The following ATP9B variants were observed in gnomAD, a reference collection of about 807,000 sequenced individuals.
The protein encoded by ATP9B is ATPase phospholipid transporting 9B.
A neutral mutation model predicts 146.1 loss-of-function variants in ATP9B; 110 were observed. That is an observed-to-expected ratio of 0.75 (90% CI 0.65 to 0.88). ATP9B has a LOEUF of 0.88. ATP9B is among the 40% of genes least tolerant of loss of function. The probability of loss-of-function intolerance (pLI) is 0.00; values close to 1 mark genes in which losing one functional copy is unlikely to be tolerated. For synonymous variants in ATP9B, 604 were observed against 569.7 expected (o/e 1.06, Z -0.86); for missense variants, 1,499 against 1,496.4 (o/e 1.00, Z -0.03).
chr18:79,310,295 G>A lies in ATP9B; in HGVS notation c.1773+3061G>A, dbSNP rs576715844. ...TTGCAGCACTGGGAAGGGCATCACCGTTTTGCTGATTAAAATTAAGAAGTC... is the reference window on the plus strand; with the variant it reads ...TTGCAGCACTGGGAAGGGCATCACCATTTTGCTGATTAAAATTAAGAAGTC... On this transcript the variant is annotated intron_variant, in intron 15 of 29. Coordinates refer to ENST00000426216, the MANE Select transcript of ATP9B (RefSeq NM_198531.5). 3.9e-5 allele frequency among the ~76,000 whole-genome samples: 6 copies of A among 152,352 alleles called. No homozygotes were observed. The South Asian group carries it at 8.3e-4, about 21-fold the overall frequency.
chr18:79,093,935 C>T (rs990193302), intron 1 of ATP9B, among the ~76,000 whole-genome samples: 4 of 152,192 alleles, frequency 2.6e-5, no homozygotes, highest in Non-Finnish European at 4.4e-5. Flanking sequence ...TTTCTCTTGA[C>T]TATTGGCCAT....
intron 1 of ATP9B, among the ~76,000 whole-genome samples, chr18:79,093,165 G>C (rs2074489653): frequency 6.6e-6 from 1 of 151,980 alleles, no homozygotes; most frequent in African/African-American, 2.4e-5. Context: ...ATTGTTGACT[G>C]GTATGTCATT....
chr18:79,351,444 A>T (rs1359687019), intron 25 of ATP9B, among the ~76,000 whole-genome samples: 1 of 152,200 alleles, frequency 6.6e-6, no homozygotes, highest in Non-Finnish European at 1.5e-5. Context: ...GTTAGGTGGG[A>T]GCTTTGGAGG....
intron 11 of ATP9B, among the ~76,000 whole-genome samples, chr18:79,240,286 C>A (rs569994544): frequency 2.0e-5 from 3 of 152,308 alleles, no homozygotes; most frequent in African/African-American, 7.2e-5. Flanking sequence ...AGTTTTATCA[C>A]ATCCAAATGA....
chr18:79,282,478 C>T (rs2096388231), intron 13 of ATP9B, among the ~76,000 whole-genome samples: 1 of 152,170 alleles, frequency 6.6e-6, no homozygotes, highest in African/African-American at 2.4e-5. Context: ...CAGCCGTCAA[C>T]ATTAAGACAA....
chr18:79,298,379 C>T (rs368941234), intron 13 of ATP9B, among the ~76,000 whole-genome samples: 2 of 145,936 alleles, frequency 1.4e-5, no homozygotes, highest in Non-Finnish European at 3.0e-5. Flanking sequence ...GAAAAAAGCG[C>T]GGTACTTAGC....
At chr18:79,319,968 C>T (rs1057393495) in intron 15 of ATP9B, among the ~76,000 whole-genome samples, 39 of 152,210 alleles carry the variant, frequency 2.6e-4, no homozygotes, top group Admixed American at 1.1e-3. Context: ...AGGGAGAGAG[C>T]GACTCTCTTT....
intron 7 of ATP9B, among the ~76,000 whole-genome samples, chr18:79,172,665 G>A (rs1206842996): frequency 6.6e-6 from 1 of 152,272 alleles, no homozygotes; most frequent in Non-Finnish European, 1.5e-5. Context: ...TTTCTGCTTA[G>A]CACAACACCC....
chr18:79,229,670 C>T (rs2095771255), intron 11 of ATP9B, among the ~76,000 whole-genome samples: 1 of 152,174 alleles, frequency 6.6e-6, no homozygotes, highest in African/African-American at 2.4e-5. Context: ...CTGCGTGTTT[C>T]TAGATGCAAG....
chr18:79,370,729 G>A (rs1269900567), intron 26 of ATP9B, among the ~76,000 whole-genome samples: 1 of 152,108 alleles, frequency 6.6e-6, no homozygotes, highest in East Asian at 1.9e-4. Context: ...ACACCCCACA[G>A]GTGCAGGTCT....
Position 79,278,313 on chromosome 18 carries a change from CGAT to C in ATP9B, c.1411+1119_1411+1121del, listed in dbSNP as rs2096336844. 2.0e-5 allele frequency among the ~76,000 whole-genome samples: 3 copies of C among 152,276 alleles called. No homozygotes were observed. The South Asian group carries it at 6.2e-4, about 32-fold the overall frequency. The stretch of plus-strand genomic sequence containing the variant: ...GTGGTGCGGTAGCTTCACTCGAACT[CGAT>C]GGTGGTGCAGTAGCTTCACTCGGGA... On this transcript the variant is annotated intron_variant, in intron 13 of 29. Transcript: ENST00000426216.
chr18:79,322,502 G>T (rs2096721800), intron 15 of ATP9B, among the ~76,000 whole-genome samples: 1 of 152,190 alleles, frequency 6.6e-6, no homozygotes, highest in South Asian at 2.1e-4. Context: ...TCCACCCCAG[G>T]CAGGGGCAGT....
chr18:79,103,846 G>T (rs2146890366), intron 2 of ATP9B, among the ~76,000 whole-genome samples: 1 of 152,232 alleles, frequency 6.6e-6, no homozygotes, highest in Non-Finnish European at 1.5e-5. Flanking sequence ...TGGTGAGGTA[G>T]GCCCCCACGA....
At position 79,213,943 on chromosome 18, in the gene ATP9B, C is replaced by G. The variant is rs1227758229; in HGVS notation, c.1031-19C>G. On this transcript the variant is annotated intron_variant, in intron 10 of 29. Transcript: ENST00000426216. Reference sequence around the variant, plus strand: ...ATCTTTAAAGTATTTCTACAAGGACCACTTTCATGTTTTTGCAGGTACTGT... The same window carrying G: ...ATCTTTAAAGTATTTCTACAAGGACGACTTTCATGTTTTTGCAGGTACTGT... The G allele has an allele frequency of 7.7e-6, 12 of 1,567,036 alleles. No homozygotes were observed. The highest frequency in any genetic ancestry group is 1.0e-5 in the Non-Finnish European group (12 of 1,156,216).
intron 5 of ATP9B, among the ~76,000 whole-genome samples, chr18:79,136,195 A>G (rs1054889399): frequency 2.0e-5 from 3 of 152,256 alleles, no homozygotes; most frequent in African/African-American, 7.2e-5. Context: ...ACCAATTTCT[A>G]CAAAAAAGCC....
intron 2 of ATP9B, 73 bp from the exon 3 acceptor site, chr18:79,110,278 CTAAA>C: frequency 2.2e-6 from 3 of 1,370,614 alleles, no homozygotes; most frequent in Non-Finnish European, 2.9e-6. Flanking sequence ...AATATTGACT[CTAAA>C]TATGTACAAT....
intron 26 of ATP9B, among the ~76,000 whole-genome samples, chr18:79,369,532 C>CAAAA (rs67043260): frequency 1.4e-4 from 12 of 87,952 alleles, no homozygotes; most frequent in African/African-American, 4.2e-4. Context: ...GAGTCCGTCT[C>CAAAA]AAAAAAAAAA....
At chr18:79,359,270 C>A (rs925300892) in intron 25 of ATP9B, 84 bp from the exon 26 acceptor site, 1 of 1,023,752 alleles carries the variant, frequency 9.8e-7, no homozygotes, top group Non-Finnish European at 1.5e-6. Flanking sequence ...GTTTTTGAAG[C>A]TGTGACCTCT....
chr18:79,170,035 C>T (rs1044207277), intron 7 of ATP9B, among the ~76,000 whole-genome samples: 2 of 152,176 alleles, frequency 1.3e-5, no homozygotes, highest in Admixed American at 6.5e-5. Context: ...TTAATGCTTC[C>T]GTTTTGCTGC....
Sources: allele counts gnomAD v4.1 joint callset (sites outside exome capture counted in the v4.1 genomes callset), GRCh38; gene constraint gnomAD v4.1.1; transcripts MANE v1.5; gene names NCBI Gene and HGNC (gene_info 2026-07-23, HGNC 2026-07-21).